Variants in PANK4 observed in about 807,000 individuals in gnomAD.
The protein encoded by PANK4 is 4'-phosphopantetheine phosphatase.
Under a neutral mutation model 87.9 loss-of-function variants are expected in PANK4, and 40 were observed. The ratio of observed to expected loss-of-function variants is 0.46; its 90% CI spans 0.35 to 0.59. The LOEUF (loss-of-function observed/expected upper bound fraction) is 0.59, where lower values mean the gene tolerates loss of function less well. Ranked by LOEUF, PANK4 falls within the 20% of genes least tolerant of loss-of-function variation. The probability of loss-of-function intolerance (pLI) is 0.00; values close to 1 mark genes in which losing one functional copy is unlikely to be tolerated. For synonymous variants in PANK4, 524 were observed against 467.4 expected, an observed-to-expected ratio of 1.12 and a Z score of -1.56; for missense variants, 926 against 1,072.3, an observed-to-expected ratio of 0.86 and a Z score of 1.90.
chr1:2,520,714 G>A lies in PANK4; in HGVS notation c.606+9C>T, dbSNP rs756038686. The A allele has an allele frequency of 1.2e-5, 19 of 1,608,646 alleles. No homozygotes were observed. Among genetic ancestry groups the A allele is most frequent in the Admixed American group, 3.4e-5 (2 of 59,468 alleles). Reference sequence around the variant, plus strand: ...CATCCACTCATTCATTCATGAAGCCGGGTCTTACCTTCACGATGGAGACTC... The same window carrying A: ...CATCCACTCATTCATTCATGAAGCCAGGTCTTACCTTCACGATGGAGACTC... On this transcript the variant is annotated intron_variant, in intron 4 of 18. Coordinates refer to ENST00000378466, the MANE Select transcript of PANK4 (RefSeq NM_018216.4). The surrounding 1 kb of genome is among the most constrained non-coding windows in gnomAD (Gnocchi z 6.2).
chr1:2,526,368 C>G lies in PANK4; in HGVS notation c.124+96G>C. On this transcript the variant is annotated intron_variant, in intron 1 of 18. Coordinates refer to ENST00000378466, the MANE Select transcript of PANK4 (RefSeq NM_018216.4). Reference sequence around the variant, plus strand: ...GAGGCTGTGCGCGAGGCCCGCGCCCCCGCCCTTCGTCCTTCCCGCCGCCCC... The same window carrying G: ...GAGGCTGTGCGCGAGGCCCGCGCCCGCGCCCTTCGTCCTTCCCGCCGCCCC... The G allele has an allele frequency of 5.5e-6, 4 of 731,056 alleles. No individual in the cohort carries two copies. In the South Asian group the frequency reaches 1.8e-4, roughly 32 times the overall value. 45.3% of individuals were successfully genotyped at this position (731,056 alleles called of 1,614,324 possible).
In PANK4 at chr1:2,515,642, C is replaced by T. The variant is rs906205368; in HGVS notation, c.1294G>A (p.Val432Met). The change falls in exon 10 of 19, where the codon GTG (valine) becomes ATG (methionine). Residue 432 changes from valine (V) to methionine (M), a missense_variant. By Grantham distance (21) the Val-to-Met change is conservative. Coordinates refer to ENST00000378466, the MANE Select transcript of PANK4 (RefSeq NM_018216.4). The surrounding 1 kb of genome is among the most constrained non-coding windows in gnomAD (Gnocchi z 5.0). ...TCGGTGAGGTCCACCGTGTCGGGCA[C>T]GTAGGAGGGCGGGTCCAGGAGGAGC... ...LPLLLDPPSY[V>M]PDTVDLTDDA... 2.4e-5 allele frequency: 38 copies of T among 1,613,076 alleles called. No homozygotes were observed. Among genetic ancestry groups the T allele is most frequent in the Non-Finnish European group, 3.0e-5 (35 of 1,179,936 alleles).
At position 2,511,699 on chromosome 1, in the gene PANK4, G is replaced by T; in HGVS notation, c.1728-16C>A. 6.4e-7 allele frequency: 1 copy of T among 1,564,910 alleles called. No individual in the cohort carries two copies. The highest frequency in any genetic ancestry group is 8.8e-7 in the Non-Finnish European group (1 of 1,135,984). On this transcript the variant is annotated splice_polypyrimidine_tract_variant and intron_variant, in intron 13 of 18. Transcript: ENST00000378466. ...TTCAAGGACACTGCATGGAGGAGGA[G>T]AAAAGAAAATTAAGACAACAGAACA...
chr1:2,518,202 G>A lies in PANK4; in HGVS notation c.1180C>T (p.Pro394Ser). ...GCCCGCTGCGCCGGGCCGAGCTCGG[G>A]TGATGCACTCATCAGCCCGGAGCTG... ...AGSSGLMSAS[P>S]ELGPAQRARS... The change falls in exon 9 of 19, where the codon CCC becomes TCC. Residue 394 changes from proline to serine, a missense_variant. By Grantham distance (74) the Pro-to-Ser change is moderately conservative (BLOSUM62 -1). Coordinates refer to ENST00000378466, the MANE Select transcript of PANK4 (RefSeq NM_018216.4). 6.2e-7 allele frequency: 1 copy of A among 1,611,144 alleles called. No homozygotes were observed. The highest frequency in any genetic ancestry group is 8.5e-7 in the Non-Finnish European group (1 of 1,179,660).
intron 13 of PANK4, 51 bp downstream of exon 13, chr1:2,512,837 G>C: frequency 1.9e-6 from 3 of 1,591,134 alleles, no homozygotes; most frequent in Non-Finnish European, 2.6e-6. Flanking sequence ...GCCTGGGGCA[G>C]GACAGGCACC....
Position 2,515,494 on chromosome 1 carries a change from C to T in PANK4, c.1374+68G>A, listed in dbSNP as rs1643753628. 6.5e-7 allele frequency: 1 copy of T among 1,549,158 alleles called. No homozygotes were observed. The highest frequency in any genetic ancestry group is 8.9e-7 in the Non-Finnish European group (1 of 1,123,636). On this transcript the variant is annotated intron_variant, in intron 10 of 18. Transcript: ENST00000378466. This position sits in a 1 kb window ranked among gnomAD's most constrained non-coding sequence, Gnocchi z 5.0. The stretch of plus-strand genomic sequence containing the variant: ...CCCCCTTCGCCACCTTGGCTTTGCC[C>T]CCGGAGCCTTGGAAGGTTAACCCGG...
At chr1:2,517,927 G>A (rs1000135094) in intron 9 of PANK4, among the ~76,000 whole-genome samples, 1 of 152,228 alleles carries the variant, frequency 6.6e-6, no homozygotes, top group African/African-American at 2.4e-5. Flanking sequence ...CACAGACTCC[G>A]TAATTCCTGC....
In PANK4 at chr1:2,519,986, G is replaced by T. The variant is rs1239487245; in HGVS notation, c.700-32C>A. ...GACACGGCGAGGGGGCGGGTGAGGC[G>T]CCAGGAGCTGCTGGAATCCCCACGA... On this transcript the variant is annotated intron_variant, in intron 5 of 18. Coordinates refer to ENST00000378466, the MANE Select transcript of PANK4 (RefSeq NM_018216.4). This position sits in a 1 kb window ranked among gnomAD's most constrained non-coding sequence, Gnocchi z 8.3. 1.3e-5 allele frequency: 20 copies of T among 1,518,500 alleles called. No individual in the cohort carries two copies. The highest frequency in any genetic ancestry group is 1.6e-5 in the Non-Finnish European group (18 of 1,126,964). The allele number at this position is 1,518,500 out of a possible 1,614,324, so 94.1% of individuals were successfully genotyped here. A position where few individuals can be genotyped will look rare whatever the true frequency, so the allele number is the denominator to read the frequency against.
chr1:2,509,779 C>G lies in PANK4; in HGVS notation c.2108+83G>C. 1.6e-6 allele frequency: 2 copies of G among 1,251,620 alleles called. No homozygotes were observed. The highest frequency in any genetic ancestry group is 2.3e-6 in the Non-Finnish European group (2 of 864,110). 77.5% of individuals were successfully genotyped at this position (1,251,620 alleles called of 1,614,324 possible). ...GCAGGGGCAGTCCTGAGGTCGGTGT[C>G]CCGCATGCACCTGGGTGCAGGTGCA... On this transcript the variant is annotated intron_variant, in intron 18 of 18. Transcript: ENST00000378466. The surrounding 1 kb of genome is among the most constrained non-coding windows in gnomAD (Gnocchi z 4.9).
chr1:2,516,607 C>A (rs898381051), intron 9 of PANK4, among the ~76,000 whole-genome samples: 1 of 152,208 alleles, frequency 6.6e-6, no homozygotes, highest in Non-Finnish European at 1.5e-5. Context: ...TGGGGCACCC[C>A]TGCTGGCAAC....
chr1:2,519,229 C>A lies in PANK4; in HGVS notation c.949G>T (p.Asp317Tyr). 1 of 1,612,792 alleles carries A rather than the reference C, an allele frequency of 6.2e-7. No individual in the cohort carries two copies. Among genetic ancestry groups the A allele is most frequent in the South Asian group, 1.1e-5 (1 of 91,080 alleles). ...AAGAAGCCTCCAAAGTACACGCGGT[C>A]CAGGCTGTGCAGCCGTGCGTGGAGG... Reference protein sequence around the residue: ...ACLHARLHSLDRVYFGGFFIR... With the variant: ...ACLHARLHSLYRVYFGGFFIR... The change falls in exon 7 of 19, where the codon GAC (aspartate) becomes TAC (tyrosine). Residue 317 changes from aspartate to tyrosine, a missense_variant. Transcript: ENST00000378466. This position sits in a 1 kb window ranked among gnomAD's most constrained non-coding sequence, Gnocchi z 8.3.
intron 12 of PANK4, 70 bp from the exon 13 acceptor site, chr1:2,513,109 C>T (rs973506792): frequency 1.3e-5 from 20 of 1,490,452 alleles, no homozygotes; most frequent in Admixed American, 8.1e-5. Context: ...ACCTGCCAGG[C>T]GCAGCCTGTT....
chr1:2,509,940 A>T lies in PANK4; in HGVS notation c.2040-10T>A, dbSNP rs771077833. 1 of 1,610,728 alleles carries T rather than the reference A, an allele frequency of 6.2e-7. No homozygotes were observed. The highest frequency in any genetic ancestry group is 8.5e-7 in the Non-Finnish European group (1 of 1,179,184). On this transcript the variant is annotated splice_polypyrimidine_tract_variant and intron_variant, in intron 17 of 18. Coordinates refer to ENST00000378466, the MANE Select transcript of PANK4 (RefSeq NM_018216.4). This position sits in a 1 kb window ranked among gnomAD's most constrained non-coding sequence, Gnocchi z 4.9. ...TTCCTGGAGCGCAGAGCTGCCAGAT[A>T]CAAGGTGGTCAGTGCCCCCAGGAGC...
At chr1:2,513,779 CT>C (rs1167671945) in intron 12 of PANK4, among the ~76,000 whole-genome samples, 1 of 152,220 alleles carries the variant, frequency 6.6e-6, no homozygotes, top group Non-Finnish European at 1.5e-5. Context: ...GTCCCCACCC[CT>C]AAGTGGCCCC....
intron 1 of PANK4, among the ~76,000 whole-genome samples, chr1:2,524,512 G>A (rs760117419): frequency 6.6e-6 from 1 of 152,138 alleles, no homozygotes; most frequent in Admixed American, 6.5e-5. Context: ...TTGAAGAGGG[G>A]AAATAAATAC....
intron 9 of PANK4, among the ~76,000 whole-genome samples, chr1:2,517,908 G>A (rs1256819978): frequency 6.6e-6 from 1 of 152,220 alleles, no homozygotes; most frequent in Admixed American, 6.5e-5. Flanking sequence ...AAACAAGAAG[G>A]CCGGATCACA....
chr1:2,512,941 C>G lies in PANK4; in HGVS notation c.1674G>C (p.Val558=). 6.2e-7 allele frequency: 1 copy of G among 1,612,808 alleles called. No homozygotes were observed. The highest frequency in any genetic ancestry group is 8.5e-7 in the Non-Finnish European group (1 of 1,179,884). The change falls in exon 13 of 19, where the codon GTG becomes GTC. Residue 558 remains valine, a synonymous_variant. Coordinates refer to ENST00000378466, the MANE Select transcript of PANK4 (RefSeq NM_018216.4). ...AGACATTCCCCGCCAGGAGGCCTTT[C>G]ACCAGCGCCAGCTGCCGTTCCTCCC... ...LGWEERQLAL[V]KGLLAGNVFD...
chr1:2,515,315 G>C lies in PANK4; in HGVS notation c.1374+247C>G, dbSNP rs1428706709. 1 of 689,734 alleles carries C rather than the reference G, an allele frequency of 1.4e-6. No individual in the cohort carries two copies. The highest frequency in any genetic ancestry group is 1.5e-5 in the South Asian group (1 of 66,650). 42.7% of individuals were successfully genotyped at this position (689,734 alleles called of 1,614,324 possible). ...TTTTGAAGGAATGTGCTAGCTAGCA[G>C]AACTATCAGCTGCCCTTAGAAGCAA... On this transcript the variant is annotated intron_variant, in intron 10 of 18. Transcript: ENST00000378466. This position sits in a 1 kb window ranked among gnomAD's most constrained non-coding sequence, Gnocchi z 5.0.
At chr1:2,516,379 G>A (rs769204601) in intron 9 of PANK4, among the ~76,000 whole-genome samples, 3 of 152,224 alleles carry the variant, frequency 2.0e-5, no homozygotes, top group East Asian at 1.9e-4. Flanking sequence ...GCACAGGCGC[G>A]CTCACGGGCC....
Sources: gnomAD v4.1 joint callset for allele counts (sites outside exome capture counted in the v4.1 genomes callset) on GRCh38, gnomAD v4.1.1 for gene constraint, Gnocchi (gnomAD v3.1) non-coding constraint, MANE v1.5 for transcripts, NCBI Gene and HGNC (gene_info 2026-07-23, HGNC 2026-07-21) for gene names.